Variants in FAT3 observed in about 807,000 individuals in gnomAD.
FAT3 encodes FAT atypical cadherin 3.
In FAT3, 95 loss-of-function variants were observed where a neutral mutation model predicts 310.2. That is an observed-to-expected ratio of 0.31 (90% CI 0.26 to 0.36). FAT3 has a LOEUF of 0.36. Among genes scored for constraint, FAT3 ranks in the 10% least tolerant of loss-of-function variants. The pLI is 1.00. For synonymous variants in FAT3, 2,314 were observed against 2,192.9 expected, an observed-to-expected ratio of 1.06 and a Z score of -1.54; for missense variants, 5,408 against 5,715.6, an observed-to-expected ratio of 0.95 and a Z score of 1.74.
chr11:92,331,983 C>T (rs1947934968), intron 1 of FAT3, among the ~76,000 whole-genome samples: 1 of 152,198 alleles, frequency 6.6e-6, no homozygotes, highest in Non-Finnish European at 1.5e-5. Context: ...ATCTACTCCC[C>T]TCAATTATAT....
rs951126228 is a variant in FAT3, at chr11:92,389,557, T to C, written c.3292+34153T>C. Reference sequence around the variant, plus strand: ...ATTTAAATGGTAAAGACTAATGATATTAGAATATCTTAAGGCAGAACGGAC... The same window carrying C: ...ATTTAAATGGTAAAGACTAATGATACTAGAATATCTTAAGGCAGAACGGAC... On this transcript the variant is annotated intron_variant, in intron 2 of 27. Coordinates refer to ENST00000525166, the MANE Select transcript of FAT3 (RefSeq NM_001367949.2). Among the ~76,000 whole-genome samples, 7 of 152,178 alleles carry C rather than the reference T, an allele frequency of 4.6e-5. No homozygotes were observed. In the East Asian group the frequency reaches 1.2e-3, roughly 25 times the overall value.
intron 1 of FAT3, among the ~76,000 whole-genome samples, chr11:92,317,169 G>A (rs1025464561): frequency 6.6e-6 from 1 of 152,168 alleles, no homozygotes; most frequent in African/African-American, 2.4e-5. Flanking sequence ...AGAAAACCAG[G>A]ACATGGATGA....
chr11:92,889,967 T>C, intron 27 of FAT3, 76 bp downstream of exon 27: 1 of 717,620 alleles, frequency 1.4e-6, no homozygotes, highest in Admixed American at 2.0e-5. Context: ...ACCCTGTTCC[T>C]GTGCCTCTGC....
intron 2 of FAT3, among the ~76,000 whole-genome samples, chr11:92,447,986 G>A (rs867493892): frequency 6.6e-6 from 1 of 152,148 alleles, no homozygotes; most frequent in South Asian, 2.1e-4. Context: ...GCTTGGGAGA[G>A]AACCTGGGAA....
At chr11:92,294,987 A>C (rs1201352) in intron 1 of FAT3, among the ~76,000 whole-genome samples, 106,219 of 151,954 alleles carry the variant, frequency 0.7, 37,335 homozygotes, top group African/African-American at 0.77. Context: ...TGGCCATTGG[A>C]ATGGTTTTTC....
intron 19 of FAT3, among the ~76,000 whole-genome samples, 194 bp from the exon 20 acceptor site, chr11:92,857,020 G>A (rs761031470): frequency 2.0e-5 from 3 of 152,150 alleles, no homozygotes; most frequent in Non-Finnish European, 2.9e-5. Context: ...AGGGAAATTG[G>A]ATGGACACCC....
intron 1 of FAT3, among the ~76,000 whole-genome samples, chr11:92,295,374 G>T (rs1447451373): frequency 6.6e-6 from 1 of 152,094 alleles, no homozygotes; most frequent in South Asian, 2.1e-4. Context: ...ATTATTGGGA[G>T]TCACCATGGA....
chr11:92,698,802 G>T (rs1331208940), intron 4 of FAT3, among the ~76,000 whole-genome samples: 1 of 152,086 alleles, frequency 6.6e-6, no homozygotes, highest in Non-Finnish European at 1.5e-5. Context: ...ATATTCATGG[G>T]CTTCTTTCCT....
At chr11:92,613,347 A>G (rs1338458918) in intron 3 of FAT3, among the ~76,000 whole-genome samples, 7 of 152,176 alleles carry the variant, frequency 4.6e-5, no homozygotes, top group Admixed American at 3.9e-4. Context: ...TCATTTTAAA[A>G]TGTCATTTTT....
chr11:92,710,294 A>G (rs1383663468), intron 4 of FAT3, among the ~76,000 whole-genome samples: 3 of 152,162 alleles, frequency 2.0e-5, no homozygotes, highest in African/African-American at 4.8e-5. Context: ...ATTGAAGGCT[A>G]TGAAAGCAAA....
chr11:92,433,105 G>A (rs576173254), intron 2 of FAT3, among the ~76,000 whole-genome samples: 3 of 152,104 alleles, frequency 2.0e-5, no homozygotes, highest in Admixed American at 1.3e-4. Context: ...CAAGTGTCCC[G>A]GGTGGACTTC....
At chr11:92,287,613 T>C (rs1946591336) in intron 1 of FAT3, among the ~76,000 whole-genome samples, 1 of 152,172 alleles carries the variant, frequency 6.6e-6, no homozygotes, top group Admixed American at 6.6e-5. Flanking sequence ...GCCTTTCAAA[T>C]CTATTTCATG....
intron 3 of FAT3, among the ~76,000 whole-genome samples, chr11:92,657,219 A>C (rs190886965): frequency 2.4e-4 from 37 of 152,290 alleles, no homozygotes; most frequent in African/African-American, 7.5e-4. Flanking sequence ...CTGATCCCCT[A>C]TTACTCCAAG....
intron 2 of FAT3, among the ~76,000 whole-genome samples, chr11:92,413,859 C>G (rs1195042476): frequency 6.6e-6 from 1 of 152,178 alleles, no homozygotes; most frequent in African/African-American, 2.4e-5. Flanking sequence ...CATGGCTGGT[C>G]TCAGTGAGTC....
intron 3 of FAT3, among the ~76,000 whole-genome samples, chr11:92,616,208 A>G (rs1940796409): frequency 6.6e-6 from 1 of 152,180 alleles, no homozygotes; most frequent in South Asian, 2.1e-4. Flanking sequence ...TTCTTGTTGA[A>G]TTGATCCCTT....
At chr11:92,450,677 A>G (rs1197419694) in intron 2 of FAT3, among the ~76,000 whole-genome samples, 1 of 152,212 alleles carries the variant, frequency 6.6e-6, no homozygotes, top group African/African-American at 2.4e-5. Flanking sequence ...TATGCTCCAG[A>G]AGCCATGAAA....
chr11:92,634,467 C>A (rs1335306363), intron 3 of FAT3, among the ~76,000 whole-genome samples: 1 of 152,174 alleles, frequency 6.6e-6, no homozygotes, highest in Non-Finnish European at 1.5e-5. Flanking sequence ...ATTGTTAAGT[C>A]CTCTCCATCT....
intron 7 of FAT3, among the ~76,000 whole-genome samples, chr11:92,788,984 G>T (rs147925467): frequency 2.0e-3 from 301 of 152,116 alleles, no homozygotes; most frequent in African/African-American, 6.7e-3. Context: ...TGCATATCTT[G>T]GTTAAAAGAT....
chr11:92,780,238 G>A (rs1040761481), intron 7 of FAT3, among the ~76,000 whole-genome samples: 1 of 148,518 alleles, frequency 6.7e-6, no homozygotes, highest in East Asian at 2.0e-4. Flanking sequence ...CACGACTCAC[G>A]GTAGCCTGGA....
Sources: gnomAD v4.1 joint callset for allele counts (sites outside exome capture counted in the v4.1 genomes callset) on GRCh38, gnomAD v4.1.1 for gene constraint, MANE v1.5 for transcripts, NCBI Gene and HGNC (gene_info 2026-07-23, HGNC 2026-07-21) for gene names.